Variants in PLD5 observed in about 807,000 individuals in gnomAD.
The protein encoded by PLD5 is phospholipase D family member 5, also known as inactive phospholipase D5.
A neutral mutation model predicts 61.1 loss-of-function variants in PLD5; 36 were observed. That is an observed-to-expected ratio of 0.59 (90% CI 0.45 to 0.78). The LOEUF (loss-of-function observed/expected upper bound fraction) is 0.78, where lower values mean the gene tolerates loss of function less well. Ranked by LOEUF, PLD5 falls within the 30% of genes least tolerant of loss-of-function variation. The pLI, the probability that PLD5 is intolerant of heterozygous loss-of-function variation, is 0.00. For missense variants in PLD5, 515 were observed against 644.4 expected (o/e 0.80, Z 2.17); for synonymous variants, 243 against 242.8 (o/e 1.00, Z -0.01).
rs140846771 is a variant in PLD5, at chr1:242,379,921, C to T, written c.190-31679G>A. 2.4e-3 allele frequency among the ~76,000 whole-genome samples: 366 copies of T among 152,112 alleles called. 2 individuals carry two copies. The highest frequency in any genetic ancestry group is 8.5e-3 in the African/African-American group (352 of 41,498). On this transcript the variant is annotated intron_variant, in intron 1 of 9. Transcript: ENST00000536534. ...AGCTTTTCTTCAGTTCTCAACAAAACCCACACAAATGGATCCACACTAACA... is the reference window on the plus strand; with the variant it reads ...AGCTTTTCTTCAGTTCTCAACAAAATCCACACAAATGGATCCACACTAACA...
chr1:242,433,957 G>A (rs1368098125), intron 1 of PLD5, among the ~76,000 whole-genome samples: 1 of 152,222 alleles, frequency 6.6e-6, no homozygotes, highest in Admixed American at 6.5e-5. Flanking sequence ...AGAGAATGAG[G>A]AGGAAGGCAG....
intron 1 of PLD5, among the ~76,000 whole-genome samples, chr1:242,384,304 T>C (rs12082449): frequency 0.022 from 3,374 of 152,322 alleles, 124 homozygotes; most frequent in African/African-American, 0.077. Flanking sequence ...GGAGTTTCCA[T>C]GTGTTGCTGG....
rs1380858607 is a variant in PLD5, at chr1:242,345,442, T to TA, written c.326+2663dup. The stretch of plus-strand genomic sequence containing the variant: ...ATTAAATGTATTGATTTGAAGTGCT[T>TA]AAAAAATGGCAAGGCTAGAGTATTG... On this transcript the variant is annotated intron_variant, in intron 2 of 9. Transcript: ENST00000536534. 3.1e-5 allele frequency: 17 copies of TA among 544,312 alleles called. No individual in the cohort carries two copies. In the Admixed American group the frequency reaches 4.9e-4, roughly 16 times the overall value. 33.7% of individuals were successfully genotyped at this position (544,312 alleles called of 1,614,324 possible). A position where few individuals can be genotyped will look rare whatever the true frequency, so the allele number is the denominator to read the frequency against.
chr1:242,196,722 G>A (rs1202712893), intron 5 of PLD5, among the ~76,000 whole-genome samples: 1 of 152,122 alleles, frequency 6.6e-6, no homozygotes, highest in Admixed American at 6.5e-5. Context: ...TTTAAGCAAT[G>A]TGATGCCTCT....
chr1:242,200,127 T>C (rs754816219), intron 5 of PLD5, among the ~76,000 whole-genome samples: 9 of 152,224 alleles, frequency 5.9e-5, no homozygotes, highest in Non-Finnish European at 1.0e-4. Context: ...CTTTTCCTTT[T>C]TCCTAAAGGG....
chr1:242,169,701 A>G (rs1319558457), intron 5 of PLD5, among the ~76,000 whole-genome samples: 1 of 150,008 alleles, frequency 6.7e-6, no homozygotes, highest in African/African-American at 2.5e-5. Context: ...TGCTGCCAGC[A>G]CAGCAGCAGT....
chr1:242,376,343 C>A (rs1454128591), intron 1 of PLD5, among the ~76,000 whole-genome samples: 2 of 152,274 alleles, frequency 1.3e-5, no homozygotes, highest in Non-Finnish European at 2.9e-5. Context: ...GACAAAGGCA[C>A]GCCCACACTG....
intron 2 of PLD5, among the ~76,000 whole-genome samples, chr1:242,302,455 C>T (rs1052468716): frequency 6.6e-6 from 1 of 152,206 alleles, no homozygotes; most frequent in Non-Finnish European, 1.5e-5. Flanking sequence ...TGGTGGCTCA[C>T]ACCTGTAATC....
chr1:242,226,171 A>T (rs1670928852), intron 4 of PLD5, among the ~76,000 whole-genome samples: 1 of 152,212 alleles, frequency 6.6e-6, no homozygotes, highest in Admixed American at 6.5e-5. Flanking sequence ...AAGTATGATT[A>T]ACCATTTTTT....
chr1:242,297,274 G>T (rs1387977532), intron 2 of PLD5, among the ~76,000 whole-genome samples: 6 of 141,608 alleles, frequency 4.2e-5, no homozygotes, highest in Admixed American at 7.5e-5. Flanking sequence ...AACTCTGAAG[G>T]CCGAGGTTGC....
Position 242,394,450 on chromosome 1 carries a change from ATG to A in PLD5, c.190-46210_190-46209del, listed in dbSNP as rs1409767953. Among the ~76,000 whole-genome samples the A allele has an allele frequency of 2.0e-5, 2 of 100,774 alleles. 1 individual carries two copies. The highest frequency in any genetic ancestry group is 3.8e-5 in the Non-Finnish European group (2 of 52,404). 66.1% of individuals were successfully genotyped at this position (100,774 alleles called of 152,430 possible). ...TGTATATGAGTATATATGTGTGTAT[ATG>A]AGTATATATGTGAACATATATATGT... On this transcript the variant is annotated intron_variant, in intron 1 of 9. Transcript: ENST00000536534.
chr1:242,331,826 G>A (rs542018825), intron 2 of PLD5, among the ~76,000 whole-genome samples: 1 of 152,264 alleles, frequency 6.6e-6, no homozygotes, highest in African/African-American at 2.4e-5. Context: ...GAATCCTAGA[G>A]TGCCCTGTGC....
intron 1 of PLD5, among the ~76,000 whole-genome samples, chr1:242,387,954 A>G (rs1662696537): frequency 6.6e-6 from 1 of 152,192 alleles, no homozygotes; most frequent in African/African-American, 2.4e-5. Flanking sequence ...AAGATCCCAC[A>G]GAAAGGGAAA....
chr1:242,229,813 C>T (rs865790909), intron 4 of PLD5, among the ~76,000 whole-genome samples: 1 of 151,850 alleles, frequency 6.6e-6, no homozygotes, highest in Admixed American at 6.6e-5. Context: ...ATATCATTGC[C>T]TCTACAAACT....
At chr1:242,341,957 A>G (rs905304064) in intron 2 of PLD5, among the ~76,000 whole-genome samples, 2 of 151,486 alleles carry the variant, frequency 1.3e-5, no homozygotes, top group African/African-American at 4.9e-5. Flanking sequence ...GGAAGATGAG[A>G]GGCAAGTGTG....
intron 5 of PLD5, among the ~76,000 whole-genome samples, chr1:242,171,611 G>T (rs773879113): frequency 1.3e-5 from 2 of 151,816 alleles, no homozygotes; most frequent in Admixed American, 6.6e-5. Flanking sequence ...TGGACAAAGA[G>T]TCAAGACCCA....
chr1:242,127,603 A>G (rs1165009222), intron 5 of PLD5, among the ~76,000 whole-genome samples: 1 of 152,110 alleles, frequency 6.6e-6, no homozygotes, highest in Non-Finnish European at 1.5e-5. Context: ...GAGCCAAACT[A>G]TGAGGATGCA....
chr1:242,274,729 G>C (rs1674316520), intron 3 of PLD5, among the ~76,000 whole-genome samples: 1 of 152,078 alleles, frequency 6.6e-6, no homozygotes. Context: ...ACTCCAGCCT[G>C]GGGGACAGAG....
At chr1:242,525,040 A>G (rs1669407626), upstream of PLD5, among the ~76,000 whole-genome samples, 1 of 150,158 alleles carries the variant, frequency 6.7e-6, no homozygotes, top group African/African-American at 2.5e-5. Flanking sequence ...ATCTCTATCC[A>G]GCGGCGCCCC....
Sources: gnomAD v4.1 joint callset for allele counts (sites outside exome capture counted in the v4.1 genomes callset) on GRCh38, gnomAD v4.1.1 for gene constraint, MANE v1.5 for transcripts, NCBI Gene and HGNC (gene_info 2026-07-23, HGNC 2026-07-21) for gene names.